The following ITPR3 variants were observed in gnomAD, a reference collection of about 807,000 sequenced individuals.
The protein encoded by ITPR3 is inositol 1,4,5-trisphosphate receptor type 3.
In ITPR3, 173 loss-of-function variants were observed where a neutral mutation model predicts 293.2. The ratio of observed to expected loss-of-function variants is 0.59; its 90% CI spans 0.52 to 0.67. The LOEUF (loss-of-function observed/expected upper bound fraction) is 0.67, where lower values mean the gene tolerates loss of function less well. Among genes scored for constraint, ITPR3 ranks in the 30% least tolerant of loss-of-function variants. The pLI, the probability that ITPR3 is intolerant of heterozygous loss-of-function variation, is 0.00. For synonymous variants in ITPR3, 1,295 were observed against 1,444.4 expected, an observed-to-expected ratio of 0.90 and a Z score of 2.35; for missense variants, 2,796 against 3,592.1, an observed-to-expected ratio of 0.78 and a Z score of 5.66.
Position 33,671,232 on chromosome 6 carries a change from C to T in ITPR3, c.2654C>T (p.Thr885Ile). Residue 885 changes from threonine to isoleucine, a missense_variant, in exon 21 of 58, where the codon ACT becomes ATT. Transcript: ENST00000605930. ...AGCTTCAGCGAGCTGCTGCGGCTCA[C>T]TCGCACACTGCTGGGCATCATCGAC... ...FYSFSELLRL[T>I]RTLLGIIDCV... 6.2e-7 allele frequency: 1 copy of T among 1,613,736 alleles called. No individual in the cohort carries two copies. Among genetic ancestry groups the T allele is most frequent in the Middle Eastern group, 1.6e-4 (1 of 6,062 alleles).
intron 2 of ITPR3, among the ~76,000 whole-genome samples, chr6:33,641,791 C>T (rs574118263): frequency 7.9e-5 from 12 of 152,182 alleles, no homozygotes; most frequent in Non-Finnish European, 1.2e-4. Context: ...CGTTCTTTCT[C>T]CAAATATCCA....
chr6:33,627,971 C>A (rs1365103214), intron 1 of ITPR3, among the ~76,000 whole-genome samples: 1 of 152,254 alleles, frequency 6.6e-6, no homozygotes, highest in African/African-American at 2.4e-5. Flanking sequence ...CGGCCTGAAT[C>A]CTGCCGGCCT....
Position 33,670,346 on chromosome 6 carries a change from C to G in ITPR3, c.2211C>G (p.Ala737=). The G allele has an allele frequency of 1.9e-6, 3 of 1,614,094 alleles. No individual in the cohort carries two copies. Among genetic ancestry groups the G allele is most frequent in the Non-Finnish European group, 2.5e-6 (3 of 1,180,048 alleles). ...GCAGGTACCAGCTGAAGCTCTTTGC[C>G]CGCATGTGCTTGGACCGCCAGTACT... ...SYYRYQLKLF[A]RMCLDRQYLA... Residue 737 remains alanine, a synonymous_variant, in exon 19 of 58, where the codon GCC becomes GCG. Coordinates refer to ENST00000605930, the MANE Select transcript of ITPR3 (RefSeq NM_002224.4). This position sits in a 1 kb window ranked among gnomAD's most constrained non-coding sequence, Gnocchi z 6.7.
At chr6:33,634,810 C>T (rs1763779593) in intron 1 of ITPR3, among the ~76,000 whole-genome samples, 1 of 152,106 alleles carries the variant, frequency 6.6e-6, no homozygotes, top group Non-Finnish European at 1.5e-5. Flanking sequence ...CATGTCTTTC[C>T]TGCATGTGTG....
At position 33,665,715 on chromosome 6, in the gene ITPR3, T is replaced by A. The variant is rs1258599222; in HGVS notation, c.1410-120T>A. ...AATTGTAGGCTGAGGATGGGTTTTG[T>A]GCTTTGGGGGCCGCTGAGTGAACTC... On this transcript the variant is annotated intron_variant, in intron 13 of 57. Transcript: ENST00000605930. 2.7e-6 allele frequency: 3 copies of A among 1,122,170 alleles called. No homozygotes were observed. The African/African-American group carries it at 4.6e-5, about 17-fold the overall frequency. 69.5% of individuals were successfully genotyped at this position (1,122,170 alleles called of 1,614,324 possible).
At position 33,633,603 on chromosome 6, in the gene ITPR3, G is replaced by A. The variant is rs926094111; in HGVS notation, c.90-6881G>A. ...GCGGCACATCACCCGCCCCGCCCCC[G>A]GGCGCGTCTGGCGGAGGCGCGGCGT... is the stretch of plus-strand genomic sequence containing the variant. On this transcript the variant is annotated intron_variant, in intron 1 of 57. Transcript: ENST00000605930. The surrounding 1 kb of genome is among the most constrained non-coding windows in gnomAD (Gnocchi z 5.2). Among the ~76,000 whole-genome samples the A allele has an allele frequency of 1.6e-4, 24 of 151,764 alleles. No homozygotes were observed. The highest frequency in any genetic ancestry group is 5.5e-4 in the African/African-American group (23 of 41,490).
rs1763514615 is a variant in ITPR3 at position 33,624,735 on chromosome 6, G to A, written c.89+3044G>A. Among the ~76,000 whole-genome samples, 1 of 152,202 alleles carries A rather than the reference G, an allele frequency of 6.6e-6. No individual in the cohort carries two copies. Among genetic ancestry groups the A allele is most frequent in the Admixed American group, 6.5e-5 (1 of 15,280 alleles). ...CCCCAGGAGGTACCCAGTAAGGGCT[G>A]GATAAAAATGAATGTGTTGAAGGCA... On this transcript the variant is annotated intron_variant, in intron 1 of 57. Transcript: ENST00000605930. The surrounding 1 kb of genome is among the most constrained non-coding windows in gnomAD (Gnocchi z 4.7).
chr6:33,641,644 C>A (rs1763954855), intron 2 of ITPR3, among the ~76,000 whole-genome samples: 1 of 152,028 alleles, frequency 6.6e-6, no homozygotes, highest in Non-Finnish European at 1.5e-5. Context: ...CACCGTTGGC[C>A]CCTGCTGCCT....
rs746424407 is a variant in ITPR3, at chr6:33,670,606, G to A, written c.2441+30G>A. ...GAGGGGTGGAGGCAGGGTGGGCGGG[G>A]CAGGGGCAGAGGCTGGAGTGGGTGT... On this transcript the variant is annotated intron_variant, in intron 19 of 57. Coordinates refer to ENST00000605930, the MANE Select transcript of ITPR3 (RefSeq NM_002224.4). The surrounding 1 kb of genome is among the most constrained non-coding windows in gnomAD (Gnocchi z 6.7). 2.1e-5 allele frequency: 32 copies of A among 1,524,314 alleles called. No individual in the cohort carries two copies. Among genetic ancestry groups the A allele is most frequent in the Non-Finnish European group, 2.7e-5 (30 of 1,102,396 alleles). 94.4% of individuals were successfully genotyped at this position (1,524,314 alleles called of 1,614,324 possible). A position where few individuals can be genotyped will look rare whatever the true frequency, so the allele number is the denominator to read the frequency against.
intron 25 of ITPR3, among the ~76,000 whole-genome samples, chr6:33,676,216 C>T (rs1764903100): frequency 6.6e-6 from 1 of 152,238 alleles, no homozygotes; most frequent in Admixed American, 6.5e-5. Flanking sequence ...CGGCGTTGGC[C>T]TTTAAAAAAA....
In ITPR3 at chr6:33,624,909, T is replaced by C. The variant is rs1261924471; in HGVS notation, c.89+3218T>C. 6.6e-6 allele frequency among the ~76,000 whole-genome samples: 1 copy of C among 152,042 alleles called. No homozygotes were observed. Among genetic ancestry groups the C allele is most frequent in the East Asian group, 1.9e-4 (1 of 5,168 alleles). On this transcript the variant is annotated intron_variant, in intron 1 of 57. Coordinates refer to ENST00000605930, the MANE Select transcript of ITPR3 (RefSeq NM_002224.4). The surrounding 1 kb of genome is among the most constrained non-coding windows in gnomAD (Gnocchi z 4.7). ...GGCCAATTAGAGCCTCCTGGAGAAT[T>C]AGAGGTCCTAGTGAAGATTGTACAT...
At chr6:33,694,008 T>C (rs1272839576) in intron 56 of ITPR3, among the ~76,000 whole-genome samples, 1 of 152,146 alleles carries the variant, frequency 6.6e-6, no homozygotes, top group Non-Finnish European at 1.5e-5. Context: ...AGCAAACCCA[T>C]GCGCCCCGAA....
At chr6:33,689,947 G>C in intron 50 of ITPR3, 87 bp from the exon 51 acceptor site, 1 of 1,512,544 alleles carries the variant, frequency 6.6e-7, no homozygotes, top group Non-Finnish European at 9.1e-7. Context: ...ATGCCTCCCA[G>C]GCTCTGAGCT....
chr6:33,678,874 G>T, intron 30 of ITPR3, 35 bp downstream of exon 30: 1 of 1,588,260 alleles, frequency 6.3e-7, no homozygotes, highest in Non-Finnish European at 8.6e-7. Context: ...CAGGCATCTT[G>T]GGGTGGGGGA....
chr6:33,678,581 G>C, intron 29 of ITPR3, 38 bp downstream of exon 29: 1 of 1,563,340 alleles, frequency 6.4e-7, no homozygotes, highest in Non-Finnish European at 8.7e-7. Flanking sequence ...GACGAGGCGG[G>C]GGATGGGGGG....
chr6:33,662,494 G>C, intron 7 of ITPR3, 34 bp from the exon 8 acceptor site: 1 of 1,547,928 alleles, frequency 6.5e-7, no homozygotes, highest in Non-Finnish European at 8.7e-7. Flanking sequence ...TGGAGGGGCC[G>C]CAGCCATCCT....
Position 33,691,512 on chromosome 6 carries a change from C to A in ITPR3, c.7226-103C>A. ...GCTGGACAGTGGAGGGCTGGCGATC[C>A]AGGACCAGGGAAGGTTTCCTGGAGG... On this transcript the variant is annotated intron_variant, in intron 52 of 57. Transcript: ENST00000605930. The surrounding 1 kb of genome is among the most constrained non-coding windows in gnomAD (Gnocchi z 4.9). 1.0e-6 allele frequency: 1 copy of A among 953,848 alleles called. No homozygotes were observed. Among genetic ancestry groups the A allele is most frequent in the Non-Finnish European group, 1.6e-6 (1 of 619,952 alleles). 59.1% of individuals were successfully genotyped at this position (953,848 alleles called of 1,614,324 possible). A position where few individuals can be genotyped will look rare whatever the true frequency, so the allele number is the denominator to read the frequency against.
At chr6:33,646,903 T>G (rs1764080049) in intron 2 of ITPR3, among the ~76,000 whole-genome samples, 1 of 152,028 alleles carries the variant, frequency 6.6e-6, no homozygotes. Flanking sequence ...GGCGACATAG[T>G]GAGATCCTGT....
At chr6:33,676,982 C>G (rs776210985) in intron 26 of ITPR3, 33 bp from the exon 27 acceptor site, 2 of 1,613,884 alleles carry the variant, frequency 1.2e-6, no homozygotes, top group South Asian at 2.2e-5. Flanking sequence ...GAGGGCTGGG[C>G]CTGGCTGATC....
Sources: gnomAD v4.1 joint callset for allele counts (sites outside exome capture counted in the v4.1 genomes callset) on GRCh38, gnomAD v4.1.1 for gene constraint, Gnocchi (gnomAD v3.1) non-coding constraint, MANE v1.5 for transcripts, NCBI Gene and HGNC (gene_info 2026-07-23, HGNC 2026-07-21) for gene names.